The following CEP192 variants were observed in gnomAD, a reference collection of about 807,000 sequenced individuals.
CEP192 encodes centrosomal protein 192.
A neutral mutation model predicts 271.8 loss-of-function variants in CEP192; 151 were observed. The ratio of observed to expected loss-of-function variants is 0.56; its 90% confidence interval spans 0.49 to 0.64. The LOEUF is 0.64. Among genes scored for constraint, CEP192 ranks in the 30% least tolerant of loss-of-function variants. The pLI is 0.00. For missense variants in CEP192, 2,910 were observed against 3,020.5 expected, an observed-to-expected ratio of 0.96 and a Z score of 0.86; for synonymous variants, 995 against 1,076.5, an observed-to-expected ratio of 0.92 and a Z score of 1.48.
chr18:13,041,584 T>G (rs1299701292), intron 14 of CEP192, among the ~76,000 whole-genome samples: 2 of 150,800 alleles, frequency 1.3e-5, no homozygotes, highest in Admixed American at 6.6e-5. Context: ...ACAGTCTCTT[T>G]TTTTTTTTTT....
At chr18:13,071,786 A>G (rs1049058080) in intron 28 of CEP192, among the ~76,000 whole-genome samples, 1 of 152,114 alleles carries the variant, frequency 6.6e-6, no homozygotes, top group African/African-American at 2.4e-5. Flanking sequence ...TGGAAGAAAC[A>G]TCTCTCAGAA....
At chr18:13,023,150 A>G (rs9958439) in intron 9 of CEP192, among the ~76,000 whole-genome samples, 19,691 of 152,182 alleles carry the variant, frequency 0.13, 1,890 homozygotes, top group African/African-American at 0.26. Context: ...CCCAATCTAT[A>G]TACATTTTAT....
Position 13,008,539 on chromosome 18 carries a change from C to G in CEP192, c.374C>G (p.Thr125Arg). ...AAACAGTCAGCTTTACAAATGGAGA[C>G]AGCAGGACCAGAAGAGGAGCCAGCC... ...LSKQSALQME[T>R]AGPEEEPAGA... The change falls in exon 4 of 45, where the codon ACA (threonine) becomes AGA (arginine). Residue 125 changes from threonine to arginine, a missense_variant. Thr to Arg is a moderately conservative substitution (Grantham distance 71, BLOSUM62 -1). Transcript: ENST00000506447. The G allele has an allele frequency of 6.4e-7, 1 of 1,551,446 alleles. No individual in the cohort carries two copies. Among genetic ancestry groups the G allele is most frequent in the South Asian group, 1.2e-5 (1 of 84,056 alleles).
chr18:13,065,823 T>C (rs747704718), intron 21 of CEP192, among the ~76,000 whole-genome samples: 1 of 152,232 alleles, frequency 6.6e-6, no homozygotes, highest in Non-Finnish European at 1.5e-5. Context: ...CTGGGGGTAC[T>C]ACAGGGTTGG....
intron 1 of CEP192, among the ~76,000 whole-genome samples, chr18:12,992,368 C>T (rs1484125483): frequency 1.3e-5 from 2 of 152,144 alleles, no homozygotes; most frequent in East Asian, 1.9e-4. Flanking sequence ...TTGGGTTCCA[C>T]GGCGTGTGCT....
At chr18:13,072,274 G>C (rs2038053469) in intron 28 of CEP192, among the ~76,000 whole-genome samples, 1 of 152,126 alleles carries the variant, frequency 6.6e-6, no homozygotes, top group Admixed American at 6.5e-5. Flanking sequence ...CCATTCTTTT[G>C]CATTGTAGCT....
At chr18:13,063,300 C>G (rs1229474545) in intron 21 of CEP192, among the ~76,000 whole-genome samples, 1 of 152,186 alleles carries the variant, frequency 6.6e-6, no homozygotes, top group African/African-American at 2.4e-5. Context: ...AAACTGTTCT[C>G]CATAGTGGTT....
At chr18:13,102,830 G>T (rs1002432836) in intron 38 of CEP192, among the ~76,000 whole-genome samples, 14 of 152,146 alleles carry the variant, frequency 9.2e-5, no homozygotes, top group Non-Finnish European at 8.8e-5. Context: ...TGTAGCCTGT[G>T]ACTCTCATGA....
At chr18:13,102,730 C>T (rs1246411649) in intron 38 of CEP192, among the ~76,000 whole-genome samples, 2 of 152,208 alleles carry the variant, frequency 1.3e-5, no homozygotes, top group Admixed American at 1.3e-4. Flanking sequence ...CTTGCTGACT[C>T]CTCTCCCTGG....
At chr18:13,092,239 T>A in intron 33 of CEP192, 138 bp from the exon 34 acceptor site, 2 of 556,166 alleles carry the variant, frequency 3.6e-6, no homozygotes, top group South Asian at 5.4e-5. Context: ...TGCCAGGTGG[T>A]ATACTGCTAA....
intron 4 of CEP192, among the ~76,000 whole-genome samples, chr18:13,011,226 CAA>C (rs200151034): frequency 1.8e-3 from 228 of 130,056 alleles, no homozygotes; most frequent in Non-Finnish European, 2.6e-3. Flanking sequence ...GACTCTGTCT[CAA>C]AAAAAAAAAA....
Position 13,100,372 on chromosome 18 carries a change from A to C in CEP192, c.6731A>C (p.Lys2244Thr), listed in dbSNP as rs907369837. The C allele has an allele frequency of 6.2e-7, 1 of 1,614,134 alleles. No homozygotes were observed. ...GAACTTTTAACTCGTTTGACCTCCA[A>C]ACCATTTGGAATTCTTTCCCCAGTA... is the stretch of plus-strand genomic sequence containing the variant. Reference protein sequence around the residue: ...QVELLTRLTSKPFGILSPVSE... With the variant: ...QVELLTRLTSTPFGILSPVSE... Residue 2244 changes from lysine (K) to threonine (T), a missense_variant, in exon 38 of 45, where the codon AAA (lysine) becomes ACA (threonine). By Grantham distance (78) the Lys-to-Thr change is moderately conservative. Transcript: ENST00000506447.
intron 27 of CEP192, 73 bp downstream of exon 27, chr18:13,069,929 G>A: frequency 1.2e-6 from 1 of 859,640 alleles, no homozygotes; most frequent in Non-Finnish European, 1.9e-6. Flanking sequence ...GGGAGGCCGA[G>A]GTGGGTGGAT....
chr18:13,072,892 G>C, intron 29 of CEP192, 47 bp downstream of exon 29: 1 of 1,543,194 alleles, frequency 6.5e-7, no homozygotes, highest in Non-Finnish European at 9.0e-7. Flanking sequence ...TCTGGGTCTG[G>C]AACACTTGCA....
At chr18:13,019,357 G>C (rs748529794) in intron 9 of CEP192, among the ~76,000 whole-genome samples, 151 bp downstream of exon 9, 5 of 152,046 alleles carry the variant, frequency 3.3e-5, no homozygotes, top group Non-Finnish European at 5.9e-5. Context: ...TTTTCGATAT[G>C]TTTATAAGTA....
At chr18:13,110,357 G>A (rs1487425880) in intron 40 of CEP192, among the ~76,000 whole-genome samples, 4 of 151,914 alleles carry the variant, frequency 2.6e-5, no homozygotes, top group African/African-American at 9.7e-5. Context: ...AAACAGTGTG[G>A]TATTGACAGT....
At chr18:13,064,001 A>G (rs1279053297) in intron 21 of CEP192, among the ~76,000 whole-genome samples, 1 of 149,464 alleles carries the variant, frequency 6.7e-6, no homozygotes, top group East Asian at 2.1e-4. Context: ...TTGTATTTTT[A>G]ATAGAGATGG....
rs1475226259 is a variant in CEP192 at position 13,044,598 on chromosome 18, A to G, written c.2067+2264A>G. 2.6e-5 allele frequency among the ~76,000 whole-genome samples: 4 copies of G among 152,288 alleles called. No individual in the cohort carries two copies. The East Asian group carries it at 7.7e-4, about 29-fold the overall frequency. ...TTGCTCTGTTTTGTTGATGTGATGA[A>G]TTTTGTCAAATGATTTTTGAATATT... On this transcript the variant is annotated intron_variant, in intron 15 of 44. Transcript: ENST00000506447.
chr18:13,071,443 G>T (rs746920870), intron 28 of CEP192, among the ~76,000 whole-genome samples: 13 of 152,206 alleles, frequency 8.5e-5, no homozygotes, highest in Non-Finnish European at 1.2e-4. Context: ...CTGCTGAGGA[G>T]GGAGTATCCC....
Sources: allele counts gnomAD v4.1 joint callset (sites outside exome capture counted in the v4.1 genomes callset), GRCh38; gene constraint gnomAD v4.1.1; transcripts MANE v1.5; gene names NCBI Gene and HGNC (gene_info 2026-07-23, HGNC 2026-07-21).